The following DSCAML1 variants were observed in gnomAD, a reference collection of about 807,000 sequenced individuals.
DSCAML1 encodes the protein cell adhesion molecule DSCAML1.
Under a neutral mutation model 200.5 loss-of-function variants are expected in DSCAML1, and 38 were observed. The ratio of observed to expected loss-of-function variants is 0.19; its 90% confidence interval spans 0.15 to 0.25. The LOEUF is 0.25. DSCAML1 is among the 10% of genes least tolerant of loss of function. The pLI is 1.00. For missense variants in DSCAML1, 2,223 were observed against 2,858.8 expected, an observed-to-expected ratio of 0.78 and a Z score of 5.07; for synonymous variants, 1,215 against 1,165.0, an observed-to-expected ratio of 1.04 and a Z score of -0.87.
chr11:117,686,720 C>G (rs12285142), intron 3 of DSCAML1, among the ~76,000 whole-genome samples: 1 of 152,004 alleles, frequency 6.6e-6, no homozygotes, highest in African/African-American at 2.4e-5. Flanking sequence ...TGCCTGGGAG[C>G]GGGAGAAAGA....
chr11:117,533,931 C>T lies in DSCAML1; in HGVS notation c.512-1409G>A, dbSNP rs1372126102. On this transcript the variant is annotated intron_variant, in intron 3 of 32. Coordinates refer to ENST00000651296, the MANE Select transcript of DSCAML1 (RefSeq NM_020693.4). ...CCTCTTTGGGGATTTCCCAGGCAGA[C>T]CCGGAGGGCCCAGGCTGCCATTTCC... Among the ~76,000 whole-genome samples, 4 of 152,144 alleles carry T rather than the reference C, an allele frequency of 2.6e-5. No individual in the cohort carries two copies. The East Asian group carries it at 5.8e-4, about 22-fold the overall frequency.
intron 3 of DSCAML1, among the ~76,000 whole-genome samples, chr11:117,542,347 CAACAACAAAAAA>C (rs2050287287): frequency 6.6e-6 from 1 of 151,524 alleles, no homozygotes; most frequent in African/African-American, 2.4e-5. Flanking sequence ...ACAACAACAA[CAACAACAAAAAA>C]AAAACAGTGC....
chr11:117,449,653 TG>T (rs1768000608), intron 20 of DSCAML1, among the ~76,000 whole-genome samples: 1 of 152,180 alleles, frequency 6.6e-6, no homozygotes, highest in African/African-American at 2.4e-5. Flanking sequence ...CTTCCAGCCC[TG>T]GGCACATCTT....
At chr11:117,512,643 T>TGTAC (rs1555179270) in intron 8 of DSCAML1, among the ~76,000 whole-genome samples, 10,628 of 124,764 alleles carry the variant, frequency 0.085, 493 homozygotes, top group South Asian at 0.16. Flanking sequence ...CAAGCGTGTG[T>TGTAC]ACACACACAC....
At chr11:117,708,472 A>G (rs1346475242) in intron 3 of DSCAML1, among the ~76,000 whole-genome samples, 1 of 152,184 alleles carries the variant, frequency 6.6e-6, no homozygotes, top group Admixed American at 6.5e-5. Flanking sequence ...CTAAGCCTCA[A>G]TTTTCTCTCC....
chr11:117,684,434 CT>C (rs1176638066), intron 3 of DSCAML1, among the ~76,000 whole-genome samples: 32 of 50,330 alleles, frequency 6.4e-4, no homozygotes, highest in Admixed American at 6.4e-4. Context: ...ATTTCATTAA[CT>C]AAAAAAAAAA....
chr11:117,676,336 G>T (rs539548264), intron 3 of DSCAML1, among the ~76,000 whole-genome samples: 1 of 152,144 alleles, frequency 6.6e-6, no homozygotes, highest in Non-Finnish European at 1.5e-5. Flanking sequence ...TAAGGAAAGC[G>T]TTTGGACCAG....
At chr11:117,768,382 T>A (rs1382381345) in intron 3 of DSCAML1, among the ~76,000 whole-genome samples, 1 of 152,208 alleles carries the variant, frequency 6.6e-6, no homozygotes, top group Non-Finnish European at 1.5e-5. Context: ...CCTTTGTAGC[T>A]TTCTCAAGAT....
At chr11:117,446,616 TTAAAA>T (rs1234613298) in intron 20 of DSCAML1, among the ~76,000 whole-genome samples, 3 of 151,938 alleles carry the variant, frequency 2.0e-5, no homozygotes, top group Admixed American at 2.0e-4. Flanking sequence ...GAAAGGTACT[TTAAAA>T]TAAGGCACAT....
At chr11:117,769,235 ATATTTTATATATGT>A (rs2054965920) in intron 3 of DSCAML1, among the ~76,000 whole-genome samples, 2 of 37,766 alleles carry the variant, frequency 5.3e-5, no homozygotes, top group Non-Finnish European at 8.9e-5. Context: ...TATATATTAT[ATATTTTATATATGT>A]ATATATTATA....
At chr11:117,652,079 G>A (rs781306083) in intron 3 of DSCAML1, among the ~76,000 whole-genome samples, 4 of 152,200 alleles carry the variant, frequency 2.6e-5, no homozygotes, top group Non-Finnish European at 4.4e-5. Context: ...CTCAGGGTTC[G>A]GAGATCGCAA....
intron 3 of DSCAML1, among the ~76,000 whole-genome samples, chr11:117,596,303 T>G (rs945836026): frequency 6.6e-6 from 1 of 152,104 alleles, no homozygotes; most frequent in Non-Finnish European, 1.5e-5. Context: ...GACTCTGTTC[T>G]TACTGGGATT....
intron 1 of DSCAML1, among the ~76,000 whole-genome samples, chr11:117,788,795 C>A (rs1262695957): frequency 6.6e-6 from 1 of 152,168 alleles, no homozygotes; most frequent in African/African-American, 2.4e-5. Context: ...CTTGGTGTTG[C>A]ACAGTTCGCA....
intron 3 of DSCAML1, among the ~76,000 whole-genome samples, chr11:117,619,437 AC>A (rs2051880594): frequency 1.3e-5 from 2 of 152,022 alleles, no homozygotes; most frequent in Non-Finnish European, 2.9e-5. Context: ...GGTGAATAAG[AC>A]CCTCCCAGGC....
At chr11:117,643,945 T>A (rs2052467217) in intron 3 of DSCAML1, among the ~76,000 whole-genome samples, 1 of 152,192 alleles carries the variant, frequency 6.6e-6, no homozygotes, top group Non-Finnish European at 1.5e-5. Flanking sequence ...GCTGGAACGT[T>A]CAGCCCAAGC....
intron 3 of DSCAML1, among the ~76,000 whole-genome samples, chr11:117,539,830 A>G (rs559013854): frequency 1.1e-4 from 17 of 152,344 alleles, no homozygotes; most frequent in African/African-American, 2.9e-4. Context: ...ACCCAAGTTC[A>G]TAGCAGCGTT....
At chr11:117,574,297 T>C (rs112660775) in intron 3 of DSCAML1, among the ~76,000 whole-genome samples, 195 of 152,230 alleles carry the variant, frequency 1.3e-3, no homozygotes, top group African/African-American at 4.4e-3. Flanking sequence ...GTACTCAGGG[T>C]GTCTTCCCTG....
intron 3 of DSCAML1, among the ~76,000 whole-genome samples, chr11:117,695,045 G>A (rs1034974847): frequency 2.7e-4 from 41 of 152,280 alleles, no homozygotes; most frequent in African/African-American, 7.2e-4. Flanking sequence ...CTTGGCAGCC[G>A]TATGGTGGAT....
chr11:117,591,863 C>T (rs972107130), intron 3 of DSCAML1, among the ~76,000 whole-genome samples: 5 of 152,186 alleles, frequency 3.3e-5, no homozygotes, highest in African/African-American at 1.2e-4. Flanking sequence ...CCCGGCCCCT[C>T]ACCAGGTCAG....
Sources: gnomAD v4.1 joint callset for allele counts (sites outside exome capture counted in the v4.1 genomes callset) on GRCh38, gnomAD v4.1.1 for gene constraint, MANE v1.5 for transcripts, NCBI Gene and HGNC (gene_info 2026-07-23, HGNC 2026-07-21) for gene names.